TRAPPC10: variants seen among roughly 807,000 people sequenced by gnomAD.
TRAPPC10 encodes the protein trafficking protein particle complex subunit 10, also known as TRAPP 130 kDa subunit.
Under a neutral mutation model 125.5 loss-of-function variants are expected in TRAPPC10, and 23 were observed. The ratio of observed to expected loss-of-function variants is 0.18; its 90% confidence interval spans 0.13 to 0.26. The LOEUF (loss-of-function observed/expected upper bound fraction) is 0.26. Ranked by LOEUF, TRAPPC10 falls within the 10% of genes least tolerant of loss-of-function variation. The pLI is 1.00. For synonymous variants in TRAPPC10, 509 were observed against 518.0 expected (o/e 0.98, Z 0.24); for missense variants, 1,123 against 1,308.4 (o/e 0.86, Z 2.19).
chr21:44,094,970 T>C (rs1267558294), intron 20 of TRAPPC10, among the ~76,000 whole-genome samples: 1 of 150,946 alleles, frequency 6.6e-6, no homozygotes, highest in Non-Finnish European at 1.5e-5. Context: ...TAAATTTAAA[T>C]GAATAAATAA....
At chr21:44,016,995 A>G (rs1355049476) in intron 1 of TRAPPC10, among the ~76,000 whole-genome samples, 1 of 152,212 alleles carries the variant, frequency 6.6e-6, no homozygotes, top group Non-Finnish European at 1.5e-5. Context: ...ATTTTCTACT[A>G]AACCTGAAAA....
chr21:44,086,992 A>T, intron 16 of TRAPPC10, 32 bp downstream of exon 16: 1 of 1,610,842 alleles, frequency 6.2e-7, no homozygotes, highest in Non-Finnish European at 8.5e-7. Context: ...CCCAAGGAGG[A>T]TGCCCACCTT....
At chr21:44,053,926 T>C (rs1302343184) in intron 4 of TRAPPC10, among the ~76,000 whole-genome samples, 1 of 78,298 alleles carries the variant, frequency 1.3e-5, no homozygotes, top group South Asian at 6.0e-4. Context: ...AAAAAATTGA[T>C]GATGATATAG....
At chr21:44,029,778 A>G (rs774756441) in intron 1 of TRAPPC10, among the ~76,000 whole-genome samples, 3 of 152,216 alleles carry the variant, frequency 2.0e-5, no homozygotes, top group Non-Finnish European at 2.9e-5. Flanking sequence ...TACACAAGTC[A>G]GTTGGATTAG....
Position 44,083,308 on chromosome 21 carries a change from C to T in TRAPPC10, c.2238+6C>T, listed in dbSNP as rs755099990. 3.1e-6 allele frequency: 5 copies of T among 1,609,958 alleles called. No individual in the cohort carries two copies. The highest frequency in any genetic ancestry group is 2.2e-5 in the East Asian group (1 of 44,828). On this transcript the variant is annotated splice_donor_region_variant and intron_variant, in intron 14 of 22. Transcript: ENST00000291574. Reference sequence around the variant, plus strand: ...AGATAACATTCAGGACTCAGGTATGCGTTCAGGGTGGGAACTTGACTTTCA... The same window carrying T: ...AGATAACATTCAGGACTCAGGTATGTGTTCAGGGTGGGAACTTGACTTTCA...
intron 1 of TRAPPC10, among the ~76,000 whole-genome samples, chr21:44,014,596 T>TTG (rs1555921238): frequency 1.1e-4 from 17 of 150,756 alleles, no homozygotes; most frequent in African/African-American, 3.2e-4. Context: ...TGTTTTTGTT[T>TTG]TTTTTTTTTT....
Position 44,087,439 on chromosome 21 carries a change from C to T in TRAPPC10, c.2540-260C>T, listed in dbSNP as rs961034931. Among the ~76,000 whole-genome samples, 2 of 152,222 alleles carry T rather than the reference C, an allele frequency of 1.3e-5. No homozygotes were observed. The highest frequency in any genetic ancestry group is 4.8e-5 in the African/African-American group (2 of 41,448). Reference sequence around the variant, plus strand: ...GGAGAAAGTCATGCAGGGACCTACACAGGACTTGGGTGGGCCCCGTGGGAA... The same window carrying T: ...GGAGAAAGTCATGCAGGGACCTACATAGGACTTGGGTGGGCCCCGTGGGAA... On this transcript the variant is annotated intron_variant, in intron 16 of 22. Transcript: ENST00000291574. This position sits in a 1 kb window ranked among gnomAD's most constrained non-coding sequence, Gnocchi z 4.6.
chr21:44,095,186 C>A (rs1347026055), intron 20 of TRAPPC10, among the ~76,000 whole-genome samples: 1 of 150,780 alleles, frequency 6.6e-6, no homozygotes, highest in Non-Finnish European at 1.5e-5. Flanking sequence ...TAGCTGGGAC[C>A]ACAGGCACGT....
At chr21:44,076,460 G>A (rs765718235) in intron 9 of TRAPPC10, 92 bp from the exon 10 acceptor site, 364 of 962,440 alleles carry the variant, frequency 3.8e-4, no homozygotes, top group Non-Finnish European at 5.5e-4. Flanking sequence ...GTCAGATGAG[G>A]TCATCTACCT....
intron 2 of TRAPPC10, among the ~76,000 whole-genome samples, chr21:44,033,422 T>G (rs540315555): frequency 6.6e-6 from 1 of 152,228 alleles, no homozygotes; most frequent in East Asian, 1.9e-4. Context: ...AGAGAAAAAT[T>G]GCTTAACATG....
At chr21:44,056,895 A>G (rs538571429) in intron 5 of TRAPPC10, among the ~76,000 whole-genome samples, 8 of 152,216 alleles carry the variant, frequency 5.3e-5, no homozygotes, top group Non-Finnish European at 1.2e-4. Flanking sequence ...CCACGGTCAT[A>G]TAAGATGGCA....
intron 1 of TRAPPC10, among the ~76,000 whole-genome samples, chr21:44,021,748 G>A (rs2032521394): frequency 6.6e-6 from 1 of 152,182 alleles, no homozygotes; most frequent in South Asian, 2.1e-4. Context: ...GGTCAGGAGG[G>A]TGGGCCCTTT....
intron 1 of TRAPPC10, among the ~76,000 whole-genome samples, chr21:44,028,685 CA>C (rs202190672): frequency 6.6e-6 from 1 of 151,872 alleles, no homozygotes; most frequent in Non-Finnish European, 1.5e-5. Flanking sequence ...CCTCTGTCAC[CA>C]AAAAAAGGAG....
At chr21:44,032,544 G>C (rs563460166) in intron 2 of TRAPPC10, among the ~76,000 whole-genome samples, 5 of 152,006 alleles carry the variant, frequency 3.3e-5, no homozygotes, top group African/African-American at 4.8e-5. Context: ...TACCGCACCC[G>C]GCTAATTTTT....
At chr21:44,084,302 G>T (rs1251077527) in intron 15 of TRAPPC10, 39 bp downstream of exon 15, 1 of 1,602,650 alleles carries the variant, frequency 6.2e-7, no homozygotes, top group African/African-American at 1.3e-5. Flanking sequence ...GCGTGCTGCT[G>T]GGGCAGTTCT....
At chr21:44,052,589 G>T in intron 4 of TRAPPC10, 113 bp downstream of exon 4, 1 of 1,044,832 alleles carries the variant, frequency 9.6e-7, no homozygotes. Flanking sequence ...AGTGTCCATG[G>T]GGTGCTGTCA....
intron 1 of TRAPPC10, among the ~76,000 whole-genome samples, chr21:44,029,608 G>A (rs944522109): frequency 1.3e-5 from 2 of 152,200 alleles, no homozygotes; most frequent in Non-Finnish European, 2.9e-5. Flanking sequence ...GTCTTGGTGT[G>A]CTAGGGCTGC....
At chr21:44,047,171 T>C (rs533861919) in intron 3 of TRAPPC10, 24 of 383,148 alleles carry the variant, frequency 6.3e-5, no homozygotes, top group Non-Finnish European at 1.1e-4. Context: ...TTTGATTTAA[T>C]TTGGAACATT....
chr21:44,084,055 G>A (rs565764931), intron 14 of TRAPPC10, 67 bp from the exon 15 acceptor site: 60 of 1,592,194 alleles, frequency 3.8e-5, no homozygotes, highest in South Asian at 6.8e-5. Context: ...GCTGCACCGC[G>A]CTACCGCAGG....
Sources: allele counts gnomAD v4.1 joint callset (sites outside exome capture counted in the v4.1 genomes callset), GRCh38; gene constraint gnomAD v4.1.1; non-coding constraint Gnocchi (gnomAD v3.1); transcripts MANE v1.5; gene names NCBI Gene and HGNC (gene_info 2026-07-23, HGNC 2026-07-21).